Variants in GCSAML observed in about 807,000 individuals in gnomAD.
The protein encoded by GCSAML is germinal center-associated signaling and motility-like protein.
Under a neutral mutation model 13.0 loss-of-function variants are expected in GCSAML, and 9 were observed. The observed-to-expected ratio is 0.69, with a 90% confidence interval of 0.42 to 1.21. The LOEUF is 1.21. Among genes scored for constraint, GCSAML ranks in the 50% most tolerant of loss-of-function variants. The pLI is 0.00. For missense variants in GCSAML, 143 were observed against 153.4 expected (o/e 0.93, Z 0.36); for synonymous variants, 37 against 52.9 (o/e 0.70, Z 1.31).
chr1:247,555,688 C>T (rs981473614), intron 1 of GCSAML, among the ~76,000 whole-genome samples: 1 of 152,082 alleles, frequency 6.6e-6, no homozygotes, highest in Admixed American at 6.5e-5. Flanking sequence ...GCAGAAGTGA[C>T]AATAGAGGAA....
chr1:247,561,165 T>A (rs1413048083), intron 2 of GCSAML, among the ~76,000 whole-genome samples: 1 of 152,072 alleles, frequency 6.6e-6, no homozygotes, highest in Non-Finnish European at 1.5e-5. Flanking sequence ...TGTTGCCCAG[T>A]CTGGTCTCAA....
intron 2 of GCSAML, among the ~76,000 whole-genome samples, chr1:247,561,338 TA>T (rs1257456505): frequency 6.6e-6 from 1 of 152,200 alleles, no homozygotes; most frequent in Non-Finnish European, 1.5e-5. Flanking sequence ...GTGTAATGAT[TA>T]AATCAGAGTA....
At chr1:247,534,323 G>A (rs982161710) in intron 2 of GCSAML, among the ~76,000 whole-genome samples, 2 of 152,144 alleles carry the variant, frequency 1.3e-5, no homozygotes, top group Non-Finnish European at 2.9e-5. Context: ...ATTCATGGAC[G>A]TGCATCATGA....
chr1:247,511,627 A>C lies in GCSAML; in HGVS notation c.-263+4394A>C, dbSNP rs540333801. Among the ~76,000 whole-genome samples, 22 of 152,264 alleles carry C rather than the reference A, an allele frequency of 1.4e-4. 1 individual carries two copies. In the East Asian group the frequency reaches 4.1e-3, roughly 28 times the overall value. On this transcript the variant is annotated intron_variant, in intron 1 of 5. Coordinates refer to the GCSAML transcript ENST00000366489. ...CTTTATAGTGTCAACGGACTTTACA[A>C]TTTCATATGCTTTTGCAGAGGCTGG...
Position 247,527,848 on chromosome 1 carries a change from A to T in GCSAML, c.-148+794A>T, listed in dbSNP as rs1197548483. On this transcript the variant is annotated intron_variant, in intron 2 of 5. Transcript: ENST00000366489. This position sits in a 1 kb window ranked among gnomAD's most constrained non-coding sequence, Gnocchi z 4.6. ...ACACTAGAACTTACTCCTCCAATGG[A>T]GCTGTAATTTTGTATCCTTTAACAA... The T allele has an allele frequency of 3.3e-5, 5 of 152,092 alleles. No individual in the cohort carries two copies. The highest frequency in any genetic ancestry group is 1.5e-5 in the Non-Finnish European group (1 of 68,018). 9.4% of individuals were successfully genotyped at this position (152,092 alleles called of 1,614,324 possible). A position where few individuals can be genotyped will look rare whatever the true frequency, so the allele number is the denominator to read the frequency against.
chr1:247,532,086 G>A (rs1295665409), intron 2 of GCSAML: 3 of 1,613,946 alleles, frequency 1.9e-6, no homozygotes, highest in Non-Finnish European at 2.5e-6. Flanking sequence ...CTAGCCCAAG[G>A]CAAAGCTGTG....
intron 2 of GCSAML, among the ~76,000 whole-genome samples, chr1:247,535,578 T>C (rs540322534): frequency 6.6e-6 from 1 of 152,292 alleles, no homozygotes; most frequent in East Asian, 1.9e-4. Flanking sequence ...TTTTGTTGAC[T>C]CACAGTTGAT....
At chr1:247,514,161 C>T (rs112794904) in intron 1 of GCSAML, among the ~76,000 whole-genome samples, 6 of 152,122 alleles carry the variant, frequency 3.9e-5, no homozygotes, top group Admixed American at 2.0e-4. Flanking sequence ...TTGTGTTTTT[C>T]GTAGGGATAG....
chr1:247,565,834 C>A, intron 3 of GCSAML, 97 bp from the exon 4 acceptor site: 1 of 939,920 alleles, frequency 1.1e-6, no homozygotes, highest in Non-Finnish European at 1.6e-6. Flanking sequence ...ATGACTTCTA[C>A]ATTCTGTTTT....
At chr1:247,544,889 CT>C (rs553160739), upstream of GCSAML, among the ~76,000 whole-genome samples, 1 of 152,032 alleles carries the variant, frequency 6.6e-6, no homozygotes, top group Non-Finnish European at 1.5e-5. Context: ...CAAAAAAGAA[CT>C]TTTTTTAGTA....
upstream of GCSAML, among the ~76,000 whole-genome samples, chr1:247,544,375 A>G (rs187662016): frequency 2.4e-4 from 37 of 152,356 alleles, no homozygotes; most frequent in Non-Finnish European, 5.9e-5. Context: ...GTTTCTGTTC[A>G]TATAACAGCT....
chr1:247,545,394 T>A (rs1377037977), upstream of GCSAML, among the ~76,000 whole-genome samples: 2 of 152,204 alleles, frequency 1.3e-5, no homozygotes, highest in Admixed American at 1.3e-4. Context: ...ATAAGCACTG[T>A]CAATAATACT....
upstream of GCSAML, among the ~76,000 whole-genome samples, chr1:247,546,084 A>G (rs1667557806): frequency 6.6e-6 from 1 of 152,230 alleles, no homozygotes; most frequent in South Asian, 2.1e-4. Context: ...TATGTACATT[A>G]ATTATATTCA....
At chr1:247,556,351 GA>G (rs1553306286) in intron 1 of GCSAML, 55 bp from the exon 2 acceptor site, 4 of 1,281,260 alleles carry the variant, frequency 3.1e-6, no homozygotes, top group Admixed American at 1.9e-5. Context: ...AGAAGAAGGT[GA>G]AAAAATGTGG....
At chr1:247,531,490 T>G in intron 2 of GCSAML, 3 of 1,552,110 alleles carry the variant, frequency 1.9e-6, no homozygotes, top group Non-Finnish European at 1.7e-6. Flanking sequence ...TGCCCTGTCT[T>G]CCAAGGTCAC....
At chr1:247,532,611 G>A in intron 2 of GCSAML, 1 of 1,115,358 alleles carries the variant, frequency 9.0e-7, no homozygotes, top group South Asian at 1.6e-5. Context: ...AACATTAAAA[G>A]TGTATTTTAG....
chr1:247,555,402 A>G (rs1572354083), intron 1 of GCSAML, among the ~76,000 whole-genome samples: 1 of 152,250 alleles, frequency 6.6e-6, no homozygotes, highest in African/African-American at 2.4e-5. Context: ...TGTGATCGTG[A>G]CTATTATACA....
intron 1 of GCSAML, among the ~76,000 whole-genome samples, chr1:247,551,908 C>A (rs949193434): frequency 6.6e-5 from 10 of 152,170 alleles, no homozygotes; most frequent in African/African-American, 2.4e-4. Context: ...GTACAGCATT[C>A]CTTACTTATG....
chr1:247,516,113 A>G (rs188735679), intron 1 of GCSAML, among the ~76,000 whole-genome samples: 23 of 152,264 alleles, frequency 1.5e-4, no homozygotes, highest in African/African-American at 3.9e-4. Flanking sequence ...GAAGGCCTAA[A>G]ACCCACAAGA....
Sources: gnomAD v4.1 joint callset for allele counts (sites outside exome capture counted in the v4.1 genomes callset) on GRCh38, gnomAD v4.1.1 for gene constraint, Gnocchi (gnomAD v3.1) non-coding constraint, MANE v1.5 for transcripts, NCBI Gene and HGNC (gene_info 2026-07-23, HGNC 2026-07-21) for gene names.